The following LCA5 variants were observed in gnomAD, a reference collection of about 807,000 sequenced individuals.
LCA5 encodes the protein lebercilin LCA5, also known as lebercilin.
In LCA5, 37 loss-of-function variants were observed where a neutral mutation model predicts 53.0. That is an observed-to-expected ratio of 0.70 (90% CI 0.54 to 0.92). LCA5 has a LOEUF of 0.92. Among genes scored for constraint, LCA5 ranks in the 40% least tolerant of loss-of-function variants. The pLI, the probability that LCA5 is intolerant of heterozygous loss-of-function variation, is 0.00. For synonymous variants in LCA5, 303 were observed against 282.9 expected (o/e 1.07, Z -0.71); for missense variants, 806 against 790.5 (o/e 1.02, Z -0.23).
chr6:79,505,768 T>C (rs746236971), intron 3 of LCA5, among the ~76,000 whole-genome samples: 5 of 152,086 alleles, frequency 3.3e-5, no homozygotes, highest in African/African-American at 7.2e-5. Context: ...GCAGAAAAAC[T>C]TTCAGAGCAG....
intron 3 of LCA5, among the ~76,000 whole-genome samples, chr6:79,497,812 A>C (rs1381856632): frequency 6.6e-6 from 1 of 152,086 alleles, no homozygotes; most frequent in East Asian, 1.9e-4. Flanking sequence ...ATCTCTACTA[A>C]AAATACAAAA....
Position 79,518,813 on chromosome 6 carries a change from C to T in LCA5, c.82G>A (p.Glu28Lys). Residue 28 changes from glutamate (E) to lysine (K), a missense_variant, in exon 2 of 8, where the codon GAA (glutamate) becomes AAA (lysine). Glu to Lys is a moderately conservative substitution (Grantham distance 56). Coordinates refer to ENST00000369846, the MANE Select transcript of LCA5 (RefSeq NM_001122769.3). ...KHHYSYLSDF[E>K]TPQSSGRSSL... ...GATCGGCCAGAAGACTGTGGCGTTT[C>T]AAAATCAGATAAGTAAGAATAATGG... 1.2e-6 allele frequency: 2 copies of T among 1,614,116 alleles called. No individual in the cohort carries two copies. Among genetic ancestry groups the T allele is most frequent in the Non-Finnish European group, 1.7e-6 (2 of 1,179,992 alleles).
rs370574280 is a variant in LCA5 at position 79,513,298 on chromosome 6, C to A, written c.634G>T (p.Ala212Ser). 3.1e-6 allele frequency: 5 copies of A among 1,613,590 alleles called. No individual in the cohort carries two copies. In the East Asian group the frequency reaches 8.9e-5, roughly 29 times the overall value. Residue 212 changes from alanine to serine, a missense_variant, in exon 3 of 8, where the codon GCT (alanine) becomes TCT (serine). By Grantham distance (99) the Ala-to-Ser change is moderately conservative (BLOSUM62 1). Transcript: ENST00000369846. The part of the protein sequence containing the change: ...SLQKLKEISE[A>S]RHLPERDDLA... ...TCATCTCGTTCAGGTAGGTGTCTAG[C>A]TTCAGAGATCTCTTTCAGTTTCTGT...
At chr6:79,506,485 A>C (rs1770274988) in intron 3 of LCA5, among the ~76,000 whole-genome samples, 1 of 152,174 alleles carries the variant, frequency 6.6e-6, no homozygotes, top group Admixed American at 6.5e-5. Flanking sequence ...CTGATCAGGA[A>C]TACAACCCCA....
intron 1 of LCA5, among the ~76,000 whole-genome samples, chr6:79,523,495 G>GATTA (rs1766688109): frequency 6.6e-6 from 1 of 151,972 alleles, no homozygotes. Context: ...GGATTAAATG[G>GATTA]GATAATTCAA....
At chr6:79,516,861 A>G (rs1766453769) in intron 2 of LCA5, among the ~76,000 whole-genome samples, 1 of 152,002 alleles carries the variant, frequency 6.6e-6, no homozygotes, top group African/African-American at 2.4e-5. Context: ...CAAAAAAATC[A>G]AGATATGTTA....
At chr6:79,512,188 C>T (rs917733129) in intron 3 of LCA5, among the ~76,000 whole-genome samples, 1 of 152,112 alleles carries the variant, frequency 6.6e-6, no homozygotes, top group African/African-American at 2.4e-5. Flanking sequence ...CCCACTCCTA[C>T]CCTACTTCAT....
At chr6:79,504,071 G>A (rs1770214019) in intron 3 of LCA5, among the ~76,000 whole-genome samples, 2 of 152,098 alleles carry the variant, frequency 1.3e-5, no homozygotes, top group African/African-American at 4.8e-5. Context: ...ATAACCACAA[G>A]AAAGGCCAAT....
Position 79,518,982 on chromosome 6 carries a change from GTCTTCAGA to G in LCA5, c.-96_-89del, listed in dbSNP as rs1766539958. 2.0e-5 allele frequency: 24 copies of G among 1,184,468 alleles called. No individual in the cohort carries two copies. In the East Asian group the frequency reaches 5.6e-4, roughly 28 times the overall value. 73.4% of individuals were successfully genotyped at this position (1,184,468 alleles called of 1,614,324 possible). A position where few individuals can be genotyped will look rare whatever the true frequency, so the allele number is the denominator to read the frequency against. Reference sequence around the variant, plus strand: ...GACAATACTGAAAAACATTTTCACAGTCTTCAGATCCTGATAATATTCATTTCTGTGCA... The same window carrying G: ...GACAATACTGAAAAACATTTTCACAGTCCTGATAATATTCATTTCTGTGCA... On this transcript the variant is annotated 5_prime_UTR_variant, in exon 2 of 8. It removes the in-frame stop codon of an upstream open reading frame in the 5' UTR. Coordinates refer to ENST00000369846, the MANE Select transcript of LCA5 (RefSeq NM_001122769.3).
chr6:79,490,759 C>G (rs910127042), intron 6 of LCA5, among the ~76,000 whole-genome samples: 21 of 151,970 alleles, frequency 1.4e-4, no homozygotes, highest in African/African-American at 5.1e-4. Flanking sequence ...AAGAAGAGAC[C>G]TCAGGGTCAC....
chr6:79,487,878 C>A lies in LCA5; in HGVS notation c.1232-12G>T. On this transcript the variant is annotated splice_polypyrimidine_tract_variant and intron_variant, in intron 7 of 7. Coordinates refer to ENST00000369846, the MANE Select transcript of LCA5 (RefSeq NM_001122769.3). Reference sequence around the variant, plus strand: ...TTCTCTTTCCCATTCTGTATGAAATCAAATTTTTTAAATGGGATTTTGTAA... The same window carrying A: ...TTCTCTTTCCCATTCTGTATGAAATAAAATTTTTTAAATGGGATTTTGTAA... 6.3e-7 allele frequency: 1 copy of A among 1,588,390 alleles called. No individual in the cohort carries two copies. Among genetic ancestry groups the A allele is most frequent in the Non-Finnish European group, 8.6e-7 (1 of 1,164,752 alleles).
chr6:79,505,073 C>T lies in LCA5; in HGVS notation c.720+8139G>A, dbSNP rs540096913. 6.3e-4 allele frequency among the ~76,000 whole-genome samples: 96 copies of T among 152,186 alleles called. 1 individual carries two copies. Among genetic ancestry groups the T allele is most frequent in the African/African-American group, 2.1e-3 (87 of 41,540 alleles). Reference sequence around the variant, plus strand: ...GGAAACTAATGTTTCATTGTCTATCCTTTTGTATTATTTGAATTTTAAGCC... The same window carrying T: ...GGAAACTAATGTTTCATTGTCTATCTTTTTGTATTATTTGAATTTTAAGCC... On this transcript the variant is annotated intron_variant, in intron 3 of 7. Coordinates refer to ENST00000369846, the MANE Select transcript of LCA5 (RefSeq NM_001122769.3).
chr6:79,503,799 C>T (rs375468633), intron 3 of LCA5, among the ~76,000 whole-genome samples: 3 of 152,204 alleles, frequency 2.0e-5, no homozygotes, highest in South Asian at 4.1e-4. Context: ...TGTGTGTGTG[C>T]GCGCGTGCGC....
chr6:79,499,802 G>A (rs543467734), intron 3 of LCA5, among the ~76,000 whole-genome samples: 99 of 150,788 alleles, frequency 6.6e-4, no homozygotes, highest in African/African-American at 2.3e-3. Flanking sequence ...CCATTAACTC[G>A]TCATTTAGCA....
intron 3 of LCA5, 109 bp from the exon 4 acceptor site, chr6:79,493,859 C>T: frequency 1.3e-6 from 1 of 771,494 alleles, no homozygotes. Flanking sequence ...CCAAGACCTA[C>T]AAATCAGACT....
intron 3 of LCA5, among the ~76,000 whole-genome samples, chr6:79,494,871 T>C (rs1300786218): frequency 6.6e-6 from 1 of 152,218 alleles, no homozygotes; most frequent in Admixed American, 6.5e-5. Flanking sequence ...TAAAGTGTCT[T>C]AGACTTTATC....
chr6:79,534,479 A>T (rs1406987739), intron 1 of LCA5, among the ~76,000 whole-genome samples: 2 of 152,144 alleles, frequency 1.3e-5, no homozygotes, highest in East Asian at 3.9e-4. Flanking sequence ...GCTAGATTAT[A>T]GATGGAGCTG....
intron 1 of LCA5, among the ~76,000 whole-genome samples, chr6:79,520,331 G>A (rs749258332): frequency 2.6e-5 from 4 of 151,758 alleles, no homozygotes; most frequent in Non-Finnish European, 5.9e-5. Context: ...TCAAATTAGT[G>A]CATACAGTAT....
At chr6:79,499,398 G>C (rs1383904202) in intron 3 of LCA5, among the ~76,000 whole-genome samples, 1 of 151,996 alleles carries the variant, frequency 6.6e-6, no homozygotes, top group Non-Finnish European at 1.5e-5. Context: ...TGAGCAAGGA[G>C]AGTAGAAAAA....
Sources: allele counts gnomAD v4.1 joint callset (sites outside exome capture counted in the v4.1 genomes callset), GRCh38; gene constraint gnomAD v4.1.1; transcripts MANE v1.5; gene names NCBI Gene and HGNC (gene_info 2026-07-23, HGNC 2026-07-21).